Variants in AGBL1 observed in about 807,000 individuals in gnomAD.
The protein encoded by AGBL1 is cytosolic carboxypeptidase 4.
A neutral mutation model predicts 118.9 loss-of-function variants in AGBL1; 130 were observed. The ratio of observed to expected loss-of-function variants is 1.09; its 90% CI spans 0.95 to 1.26. AGBL1 has a LOEUF of 1.26. AGBL1 is among the 50% of genes most tolerant of loss of function. The probability of loss-of-function intolerance (pLI) is 0.00; values close to 1 mark genes in which losing one functional copy is unlikely to be tolerated. For missense variants in AGBL1, 1,584 were observed against 1,298.1 expected (o/e 1.22, Z -3.38); for synonymous variants, 555 against 478.9 (o/e 1.16, Z -2.08).
chr15:86,342,010 G>T (rs1170852346), intron 17 of AGBL1, among the ~76,000 whole-genome samples: 1 of 152,148 alleles, frequency 6.6e-6, no homozygotes. Flanking sequence ...CTGAAATACT[G>T]GTTTGTGAAA....
At chr15:86,255,104 T>G (rs2142009287) in intron 7 of AGBL1, among the ~76,000 whole-genome samples, 1 of 152,278 alleles carries the variant, frequency 6.6e-6, no homozygotes, top group South Asian at 2.1e-4. Context: ...CATACCTAGG[T>G]TCCAAAATGT....
intron 18 of AGBL1, among the ~76,000 whole-genome samples, chr15:86,474,237 T>G (rs2082520578): frequency 6.6e-6 from 1 of 151,400 alleles, no homozygotes; most frequent in South Asian, 2.1e-4. Context: ...TGCAGGAGAG[T>G]GGATGCAGCC....
At chr15:86,672,402 T>C (rs962971032) in intron 21 of AGBL1, among the ~76,000 whole-genome samples, 3 of 152,220 alleles carry the variant, frequency 2.0e-5, no homozygotes, top group Admixed American at 6.5e-5. Context: ...GTATGGCATA[T>C]ACTGTGAGGT....
At chr15:86,457,787 G>T (rs532675513) in intron 18 of AGBL1, among the ~76,000 whole-genome samples, 191 of 152,214 alleles carry the variant, frequency 1.3e-3, no homozygotes, top group African/African-American at 4.4e-3. Flanking sequence ...AAAGATAAAG[G>T]TTAATAATCT....
At chr15:86,247,633 G>C in intron 6 of AGBL1, 38 bp from the exon 7 acceptor site, 1 of 1,548,580 alleles carries the variant, frequency 6.5e-7, no homozygotes, top group Non-Finnish European at 8.8e-7. Flanking sequence ...TGGCTGTGGA[G>C]AGCCTGTGAC....
chr15:86,490,111 T>C (rs1314704710), intron 18 of AGBL1, among the ~76,000 whole-genome samples: 2 of 152,126 alleles, frequency 1.3e-5, no homozygotes, highest in Non-Finnish European at 2.9e-5. Context: ...ACAAGGCAGC[T>C]ATGACGTCCC....
chr15:86,681,082 C>T (rs1028321476), intron 22 of AGBL1, among the ~76,000 whole-genome samples: 3 of 152,132 alleles, frequency 2.0e-5, no homozygotes, highest in Admixed American at 6.5e-5. Flanking sequence ...TGCCACCCCA[C>T]GTCTTCATTT....
At chr15:86,586,449 A>G (rs1005401386) in intron 21 of AGBL1, among the ~76,000 whole-genome samples, 2 of 152,178 alleles carry the variant, frequency 1.3e-5, no homozygotes, top group Admixed American at 1.3e-4. Context: ...TATACCTTTT[A>G]GGATGAGAAA....
chr15:86,548,948 A>G (rs779049153), intron 20 of AGBL1, among the ~76,000 whole-genome samples: 9 of 152,108 alleles, frequency 5.9e-5, no homozygotes, highest in Non-Finnish European at 1.2e-4. Context: ...GGCACTTCAC[A>G]TGGTGAGAAC....
At chr15:86,283,646 T>G (rs1817955) in intron 16 of AGBL1, among the ~76,000 whole-genome samples, 111,631 of 152,050 alleles carry the variant, frequency 0.73, 41,909 homozygotes, top group African/African-American at 0.85. Context: ...ACATGTGGCA[T>G]ATCGAAGATG....
In AGBL1 at chr15:87,008,419, G is replaced by A. The variant is rs537137749; in HGVS notation, c.3323+20331G>A. 2.3e-4 allele frequency among the ~76,000 whole-genome samples: 35 copies of A among 152,252 alleles called. No individual in the cohort carries two copies. The East Asian group carries it at 3.1e-3, about 13-fold the overall frequency. On this transcript the variant is annotated intron_variant, in intron 24 of 24. Coordinates refer to the AGBL1 transcript ENST00000441037. ...CATGACTTGCTCCTCCTTGCCTTCC[G>A]CCATGATTGTGAGGTCTCCCCAGCC...
At chr15:87,008,292 C>T (rs149600642) in intron 24 of AGBL1, among the ~76,000 whole-genome samples, 166 of 152,256 alleles carry the variant, frequency 1.1e-3, no homozygotes, top group African/African-American at 3.8e-3. Context: ...GTCTTTCCCA[C>T]GCTGTTCTCA....
intron 17 of AGBL1, among the ~76,000 whole-genome samples, chr15:86,325,691 A>G (rs1052408449): frequency 6.6e-6 from 1 of 152,150 alleles, no homozygotes; most frequent in Non-Finnish European, 1.5e-5. Flanking sequence ...AGCATCGAAC[A>G]GTTAATCTCC....
chr15:86,882,598 TAAAGTA>T (rs887080609), intron 22 of AGBL1, among the ~76,000 whole-genome samples: 1 of 152,206 alleles, frequency 6.6e-6, no homozygotes, highest in African/African-American at 2.4e-5. Context: ...GTCTGAAAAT[TAAAGTA>T]AAAGTGCATA....
At chr15:86,743,826 A>AC (rs1400337369) in intron 22 of AGBL1, among the ~76,000 whole-genome samples, 5 of 152,022 alleles carry the variant, frequency 3.3e-5, no homozygotes, top group Non-Finnish European at 7.4e-5. Flanking sequence ...AGCTTTAACT[A>AC]CCTAATATGG....
At chr15:86,776,626 G>GTT (rs993311437) in intron 22 of AGBL1, among the ~76,000 whole-genome samples, 5 of 148,992 alleles carry the variant, frequency 3.4e-5, no homozygotes, top group Non-Finnish European at 4.5e-5. Context: ...CATTTTTGTG[G>GTT]TTTTTTTTTA....
chr15:86,539,634 C>T (rs1343267672), intron 19 of AGBL1, among the ~76,000 whole-genome samples: 1 of 152,200 alleles, frequency 6.6e-6, no homozygotes, highest in Non-Finnish European at 1.5e-5. Context: ...TTTCACTCTA[C>T]CCTCTTATTC....
At position 86,257,156 on chromosome 15, in the gene AGBL1, A is replaced by G. The variant is rs752815537; in HGVS notation, c.901+138A>G. On this transcript the variant is annotated intron_variant, in intron 8 of 22. Coordinates refer to ENST00000614907, the MANE Select transcript of AGBL1 (RefSeq NM_001386094.1). Reference sequence around the variant, plus strand: ...TCTATTAAGCTAATTAGAGACATATATGAAAAAGCAGTTTTGATTTTCATA... The same window carrying G: ...TCTATTAAGCTAATTAGAGACATATGTGAAAAAGCAGTTTTGATTTTCATA... 4.3e-5 allele frequency: 43 copies of G among 999,558 alleles called. No homozygotes were observed. The Middle Eastern group carries it at 1.3e-3, about 31-fold the overall frequency. 61.9% of individuals were successfully genotyped at this position (999,558 alleles called of 1,614,324 possible).
At chr15:87,007,150 A>G (rs1329727251) in intron 24 of AGBL1, among the ~76,000 whole-genome samples, 1 of 152,214 alleles carries the variant, frequency 6.6e-6, no homozygotes, top group Non-Finnish European at 1.5e-5. Context: ...CCACTGAAGA[A>G]AAATTGTTTG....
Sources: gnomAD v4.1 joint callset for allele counts (sites outside exome capture counted in the v4.1 genomes callset) on GRCh38, gnomAD v4.1.1 for gene constraint, MANE v1.5 for transcripts, NCBI Gene and HGNC (gene_info 2026-07-23, HGNC 2026-07-21) for gene names.